The following ZCWPW2 variants were observed in gnomAD, a reference collection of about 807,000 sequenced individuals.
ZCWPW2 encodes the protein zinc finger CW-type PWWP domain protein 2.
In ZCWPW2, 45 loss-of-function variants were observed where a neutral mutation model predicts 46.6. That is an observed-to-expected ratio of 0.96 (90% CI 0.76 to 1.24). ZCWPW2 has a LOEUF of 1.24. Among genes scored for constraint, ZCWPW2 ranks in the 50% most tolerant of loss-of-function variants. The pLI is 0.00. For missense variants in ZCWPW2, 429 were observed against 403.9 expected (o/e 1.06, Z -0.53); for synonymous variants, 152 against 137.1 (o/e 1.11, Z -0.76).
intron 1 of ZCWPW2, among the ~76,000 whole-genome samples, chr3:28,352,394 A>C (rs1297075424): frequency 6.6e-6 from 1 of 152,068 alleles, no homozygotes; most frequent in Non-Finnish European, 1.5e-5. Context: ...CCTAAGATTG[A>C]TCTTCCTCAG....
intron 1 of ZCWPW2, among the ~76,000 whole-genome samples, chr3:28,380,964 AT>A (rs1559480677): frequency 0.03 from 1,062 of 35,986 alleles, 304 homozygotes; most frequent in Admixed American, 0.055. Context: ...ATATATATAT[AT>A]ATATATTTGG....
intron 4 of ZCWPW2, among the ~76,000 whole-genome samples, chr3:28,437,876 A>T (rs1271527633): frequency 6.6e-6 from 1 of 152,214 alleles, no homozygotes; most frequent in African/African-American, 2.4e-5. Flanking sequence ...CACCATGAAT[A>T]TGTCTCTCCA....
At chr3:28,369,634 T>A (rs1439743277) in intron 1 of ZCWPW2, among the ~76,000 whole-genome samples, 3 of 152,188 alleles carry the variant, frequency 2.0e-5, no homozygotes, top group African/African-American at 7.2e-5. Context: ...AGTCTGTCCG[T>A]TCTCAGATCT....
chr3:28,474,620 T>TGCGTGCGC (rs1553640373), intron 4 of ZCWPW2, among the ~76,000 whole-genome samples: 1 of 121,630 alleles, frequency 8.2e-6, no homozygotes, highest in African/African-American at 2.8e-5. Context: ...TGTGTGTGTG[T>TGCGTGCGC]GCGCGCGCGC....
chr3:28,380,509 A>C (rs1695010644), intron 1 of ZCWPW2, among the ~76,000 whole-genome samples: 1 of 152,178 alleles, frequency 6.6e-6, no homozygotes, highest in African/African-American at 2.4e-5. Flanking sequence ...TGCTCCAATG[A>C]GAATTTCATC....
intron 9 of ZCWPW2, among the ~76,000 whole-genome samples, chr3:28,523,972 T>G (rs1354876977): frequency 6.6e-6 from 1 of 152,112 alleles, no homozygotes; most frequent in African/African-American, 2.4e-5. Context: ...TTTTGTTATG[T>G]GAAAATATTT....
intron 4 of ZCWPW2, among the ~76,000 whole-genome samples, chr3:28,452,764 A>G (rs1409339836): frequency 6.6e-6 from 1 of 152,208 alleles, no homozygotes; most frequent in African/African-American, 2.4e-5. Context: ...TATATAGTCA[A>G]ATTATCTATT....
intron 4 of ZCWPW2, among the ~76,000 whole-genome samples, chr3:28,436,327 T>C (rs73825162): frequency 4.2e-5 from 6 of 141,208 alleles, no homozygotes; most frequent in East Asian, 2.0e-4. Flanking sequence ...TTTTTTCTTT[T>C]TTTTTTTTTT....
At chr3:28,359,355 AAC>A (rs1382170037) in intron 1 of ZCWPW2, among the ~76,000 whole-genome samples, 15 of 152,238 alleles carry the variant, frequency 9.9e-5, no homozygotes, top group East Asian at 3.9e-4. Flanking sequence ...GAAGGTACAA[AAC>A]ACAGTATAAA....
chr3:28,462,131 G>A (rs930880711), intron 4 of ZCWPW2, among the ~76,000 whole-genome samples: 3 of 152,136 alleles, frequency 2.0e-5, no homozygotes, highest in Admixed American at 6.5e-5. Context: ...GGTGGGCAGG[G>A]CAGACTGGGA....
intron 1 of ZCWPW2, among the ~76,000 whole-genome samples, chr3:28,361,451 GA>G (rs1469690849): frequency 6.6e-6 from 1 of 152,040 alleles, no homozygotes; most frequent in Non-Finnish European, 1.5e-5. Flanking sequence ...AAATGTAGGG[GA>G]AGAGCTTCAT....
intron 1 of ZCWPW2, among the ~76,000 whole-genome samples, chr3:28,383,550 G>GTCTAATA (rs1326306227): frequency 2.7e-4 from 41 of 151,832 alleles, no homozygotes; most frequent in African/African-American, 9.9e-4. Flanking sequence ...TAACCTATTA[G>GTCTAATA]GGTATATTTT....
chr3:28,461,935 C>T (rs1246844350), intron 4 of ZCWPW2, among the ~76,000 whole-genome samples: 2 of 152,292 alleles, frequency 1.3e-5, no homozygotes, highest in East Asian at 1.9e-4. Context: ...ATAGCTAGGA[C>T]ATTCTTCCCT....
At position 28,525,370 on chromosome 3, in the gene ZCWPW2, A is replaced by G. The variant is rs576100390; in HGVS notation, c.*682A>G. Reference sequence around the variant, plus strand: ...TTTAAAGTGTATAGAGAGAAGTTAAACATATTGATTATAAGAAATCTAACA... The same window carrying G: ...TTTAAAGTGTATAGAGAGAAGTTAAGCATATTGATTATAAGAAATCTAACA... On this transcript the variant is annotated 3_prime_UTR_variant, in exon 10 of 10. Transcript: ENST00000383768. Among the ~76,000 whole-genome samples, 1 of 152,262 alleles carries G rather than the reference A, an allele frequency of 6.6e-6. No individual in the cohort carries two copies. The highest frequency in any genetic ancestry group is 6.5e-5 in the Admixed American group (1 of 15,280).
At chr3:28,469,606 A>T (rs1461937622) in intron 4 of ZCWPW2, among the ~76,000 whole-genome samples, 1 of 152,050 alleles carries the variant, frequency 6.6e-6, no homozygotes, top group Non-Finnish European at 1.5e-5. Flanking sequence ...CAAGACAAAA[A>T]CTGTAAGAAG....
intron 2 of ZCWPW2, among the ~76,000 whole-genome samples, chr3:28,395,379 C>T (rs933084923): frequency 2.0e-5 from 3 of 152,040 alleles, no homozygotes; most frequent in African/African-American, 7.2e-5. Context: ...ATAAAACTAC[C>T]ATGTATTCCA....
intron 3 of ZCWPW2, among the ~76,000 whole-genome samples, chr3:28,413,830 C>A (rs867397499): frequency 1.8e-4 from 28 of 152,060 alleles, no homozygotes; most frequent in African/African-American, 6.5e-4. Context: ...GTAATCAGTT[C>A]CACTGATTCT....
chr3:28,350,257 TTAGAAA>T (rs1421038728), intron 1 of ZCWPW2, among the ~76,000 whole-genome samples: 1 of 152,206 alleles, frequency 6.6e-6, no homozygotes, highest in Non-Finnish European at 1.5e-5. Context: ...TCACAAGTTA[TTAGAAA>T]TAAAGTGGTA....
intron 5 of ZCWPW2, among the ~76,000 whole-genome samples, chr3:28,491,342 C>T (rs139393608): frequency 1.9e-3 from 289 of 152,126 alleles, no homozygotes; most frequent in African/African-American, 6.5e-3. Flanking sequence ...ACAGTTGTAA[C>T]CAATAGATAC....
Sources: gnomAD v4.1 joint callset for allele counts (sites outside exome capture counted in the v4.1 genomes callset) on GRCh38, gnomAD v4.1.1 for gene constraint, MANE v1.5 for transcripts, NCBI Gene and HGNC (gene_info 2026-07-23, HGNC 2026-07-21) for gene names.